DENND1C: variants seen among roughly 807,000 people sequenced by gnomAD.
The protein encoded by DENND1C is DENN domain containing 1C.
Under a neutral mutation model 87.9 loss-of-function variants are expected in DENND1C, and 64 were observed. The ratio of observed to expected loss-of-function variants is 0.73; its 90% CI spans 0.60 to 0.90. The LOEUF is 0.90. Among genes scored for constraint, DENND1C ranks in the 40% least tolerant of loss-of-function variants. DENND1C has a pLI of 0.00. For synonymous variants in DENND1C, 384 were observed against 424.4 expected (o/e 0.90, Z 1.17); for missense variants, 980 against 1,037.0 (o/e 0.95, Z 0.76).
chr19:6,478,201 A>T (rs1475619698), intron 6 of DENND1C, among the ~76,000 whole-genome samples: 1 of 152,068 alleles, frequency 6.6e-6, no homozygotes, highest in Non-Finnish European at 1.5e-5. Context: ...TGCTCTCCTG[A>T]GTAGCTGGGA....
In DENND1C at chr19:6,476,854, C is replaced by T; in HGVS notation, c.678+3G>A. 6.2e-7 allele frequency: 1 copy of T among 1,610,388 alleles called. No individual in the cohort carries two copies. The highest frequency in any genetic ancestry group is 8.5e-7 in the Non-Finnish European group (1 of 1,179,026). On this transcript the variant is annotated splice_donor_region_variant and intron_variant, in intron 10 of 22. Coordinates refer to ENST00000381480, the MANE Select transcript of DENND1C (RefSeq NM_024898.4). ...CACCCCGGCCCGGCGGACCCCGCCTCACGGTGCTGAGTTTGCTGGCGGTGA... is the reference window on the plus strand; with the variant it reads ...CACCCCGGCCCGGCGGACCCCGCCTTACGGTGCTGAGTTTGCTGGCGGTGA...
chr19:6,480,124 G>C (rs1913443476), intron 1 of DENND1C, 73 bp from the exon 2 acceptor site: 3 of 1,545,918 alleles, frequency 1.9e-6, no homozygotes, highest in Non-Finnish European at 2.6e-6. Flanking sequence ...TTGCACACAA[G>C]TGTGGTTGTG....
chr19:6,470,331 G>C lies in DENND1C; in HGVS notation c.1326C>G (p.Ala442=). The C allele has an allele frequency of 6.2e-7, 1 of 1,612,576 alleles. No homozygotes were observed. The highest frequency in any genetic ancestry group is 8.5e-7 in the Non-Finnish European group (1 of 1,179,438). The change falls in exon 18 of 23, where the codon GCC becomes GCG. Residue 442 remains alanine (A), a synonymous_variant. Transcript: ENST00000381480. Reference sequence around the variant, plus strand: ...TGTTCTTGACGGCTGGTTGGGTCTTGGCCTTGACTGAGTGCAGGAGGGCGC... The same window carrying C: ...TGTTCTTGACGGCTGGTTGGGTCTTCGCCTTGACTGAGTGCAGGAGGGCGC... The part of the protein sequence containing the change: ...GGGALLHSVK[A]KTQPAVKNMY...
At chr19:6,475,797 C>A in intron 11 of DENND1C, 40 bp downstream of exon 11, 1 of 1,525,206 alleles carries the variant, frequency 6.6e-7, no homozygotes, top group Non-Finnish European at 8.8e-7. Context: ...CCCCCAGGGC[C>A]TGCCCACAGG....
chr19:6,471,289 A>G lies in DENND1C; in HGVS notation c.1266T>C (p.Tyr422=), dbSNP rs1307031412. The part of the protein sequence containing the change: ...CGASSGALRS[Y]QLWADNLKKG... Reference sequence around the variant, plus strand: ...CCTTTAGATTGTCGGCCCAGAGCTGATAGGATCGAAGGGCCCCTGGGGTAA... The same window carrying G: ...CCTTTAGATTGTCGGCCCAGAGCTGGTAGGATCGAAGGGCCCCTGGGGTAA... The change falls in exon 17 of 23, where the codon TAT becomes TAC. Residue 422 remains tyrosine, a synonymous_variant. Coordinates refer to ENST00000381480, the MANE Select transcript of DENND1C (RefSeq NM_024898.4). 6.3e-7 allele frequency: 1 copy of G among 1,597,336 alleles called. No individual in the cohort carries two copies.
In DENND1C at chr19:6,480,462, C is replaced by T. The variant is rs72985391; in HGVS notation, c.18-411G>A. ...AGCTAAGTGAATTACATCTCTCTCT[C>T]TCTATATATATATCCATCTATCTGT... On this transcript the variant is annotated intron_variant, in intron 1 of 22. Transcript: ENST00000381480. 8.1e-3 allele frequency: 7,960 copies of T among 978,254 alleles called. 69 individuals are homozygous for T. The highest frequency in any genetic ancestry group is 0.035 in the South Asian group (736 of 21,092). 60.6% of individuals were successfully genotyped at this position (978,254 alleles called of 1,614,324 possible).
chr19:6,469,014 A>G, intron 19 of DENND1C, 61 bp from the exon 20 acceptor site: 2 of 984,038 alleles, frequency 2.0e-6, no homozygotes, highest in Non-Finnish European at 2.7e-6. Flanking sequence ...ACCCCCTACC[A>G]TTGGTCTTTA....
chr19:6,477,239 A>AG lies in DENND1C; in HGVS notation c.491dup (p.Thr165TyrfsTer5), dbSNP rs553532837. On this transcript the variant is annotated frameshift_variant, in exon 8 of 23. Transcript: ENST00000381480. LOFTEE classifies it high-confidence loss of function. Reference sequence around the variant, plus strand: ...TCACCGGCTTGCTATTCCCCCGGGTAGGGGGGGGGATACCCTGCCCGCTGG... The same window carrying AG: ...TCACCGGCTTGCTATTCCCCCGGGTAGGGGGGGGGGATACCCTGCCCGCTGG... 1.3e-4 allele frequency: 204 copies of AG among 1,563,862 alleles called. No homozygotes were observed. Among genetic ancestry groups the AG allele is most frequent in the Admixed American group, 2.3e-4 (12 of 53,056 alleles).
intron 13 of DENND1C, 35 bp from the exon 14 acceptor site, chr19:6,475,434 T>C: frequency 5.6e-6 from 9 of 1,613,184 alleles, no homozygotes; most frequent in Non-Finnish European, 7.6e-6. Flanking sequence ...AGTGGGCAGG[T>C]GTGGGCCCCT....
At position 6,468,642 on chromosome 19, in the gene DENND1C, G is replaced by A. The variant is rs763494134; in HGVS notation, c.1519C>T (p.Arg507Trp). The change falls in exon 21 of 23, where the codon CGG becomes TGG. Residue 507 changes from arginine (R) to tryptophan (W), a missense_variant. By Grantham distance (101) the Arg-to-Trp change is moderately radical. Transcript: ENST00000381480. ...LPITQHFGKN[R>W]PLRPSRRRQL... ...CGTCTCCTGCTGGGGCGAAGGGGCC[G>A]GTTCTGCAAAGGGTGGGGGCGATAG... 11 of 1,483,128 alleles carry A rather than the reference G, an allele frequency of 7.4e-6. No homozygotes were observed. The highest frequency in any genetic ancestry group is 4.2e-5 in the African/African-American group (3 of 70,756). 91.9% of individuals were successfully genotyped at this position (1,483,128 alleles called of 1,614,324 possible).
intron 1 of DENND1C, 39 bp from the exon 2 acceptor site, chr19:6,480,090 G>A (rs1438091571): frequency 6.3e-7 from 1 of 1,581,400 alleles, no homozygotes; most frequent in Non-Finnish European, 8.6e-7. Context: ...TTGCTTCTAT[G>A]CATGTGTGGT....
chr19:6,476,644 C>G (rs891345157), intron 10 of DENND1C: 28 of 568,794 alleles, frequency 4.9e-5, no homozygotes, highest in Non-Finnish European at 5.3e-5. Context: ...AGCCTGAGCA[C>G]AGTACTCCCA....
intron 14 of DENND1C, among the ~76,000 whole-genome samples, chr19:6,474,000 G>A (rs532092768): frequency 2.0e-4 from 31 of 152,166 alleles, no homozygotes; most frequent in African/African-American, 7.2e-4. Context: ...TTTGAGACCA[G>A]CCTGGCTAAC....
chr19:6,477,558 G>T, intron 6 of DENND1C, 100 bp from the exon 7 acceptor site: 1 of 928,898 alleles, frequency 1.1e-6, no homozygotes, highest in South Asian at 1.5e-5. Context: ...AGGAGCCAAG[G>T]GCTCAGGTCA....
In DENND1C at chr19:6,477,398, C is replaced by T. The variant is rs1270056389; in HGVS notation, c.427G>A (p.Ala143Thr). The change falls in exon 7 of 23, where the codon GCC (alanine) becomes ACC (threonine). Residue 143 changes from alanine (A) to threonine (T), a missense_variant. Coordinates refer to ENST00000381480, the MANE Select transcript of DENND1C (RefSeq NM_024898.4). ...LFQQSLSGPQ[A>T]SVGLELGSGV... ...CTCACCAGCTCAAGCCCCACTGAGGCCTGGGGCCCAGACAGGGACTGCTGA... is the reference window on the plus strand; with the variant it reads ...CTCACCAGCTCAAGCCCCACTGAGGTCTGGGGCCCAGACAGGGACTGCTGA... 14 of 1,613,340 alleles carry T rather than the reference C, an allele frequency of 8.7e-6. No homozygotes were observed. Among genetic ancestry groups the T allele is most frequent in the African/African-American group, 1.3e-5 (1 of 74,832 alleles).
At chr19:6,470,224 G>A (rs1330186256) in intron 18 of DENND1C, 71 bp downstream of exon 18, 13 of 1,473,710 alleles carry the variant, frequency 8.8e-6, no homozygotes, top group Non-Finnish European at 1.1e-5. Context: ...CCATCCTTGG[G>A]AGGTCAAAGT....
intron 6 of DENND1C, 148 bp from the exon 7 acceptor site, chr19:6,477,606 T>TTAATAATAATAATAATAATAA (rs59685749): frequency 0.016 from 3,000 of 183,376 alleles, 49 homozygotes; most frequent in African/African-American, 0.026. Flanking sequence ...TTAAAAGAAA[T>TTAATAATAATAATAATAATAA]TAATAATAAT....
chr19:6,470,249 C>G (rs2092819911), intron 18 of DENND1C, 46 bp downstream of exon 18: 2 of 1,569,422 alleles, frequency 1.3e-6, no homozygotes, highest in Non-Finnish European at 1.7e-6. Context: ...TCTGTCCCCT[C>G]CCCCTCGTCA....
chr19:6,468,663 G>T lies in DENND1C; in HGVS notation c.1516-18C>A. 1.4e-6 allele frequency: 2 copies of T among 1,469,088 alleles called. No individual in the cohort carries two copies. Among genetic ancestry groups the T allele is most frequent in the East Asian group, 2.4e-5 (1 of 40,822 alleles). 91.0% of individuals were successfully genotyped at this position (1,469,088 alleles called of 1,614,324 possible). A position where few individuals can be genotyped will look rare whatever the true frequency, so the allele number is the denominator to read the frequency against. Reference sequence around the variant, plus strand: ...GGCCGGTTCTGCAAAGGGTGGGGGCGATAGGACCTCAGGAGACTGCAGAAT... The same window carrying T: ...GGCCGGTTCTGCAAAGGGTGGGGGCTATAGGACCTCAGGAGACTGCAGAAT... On this transcript the variant is annotated intron_variant, in intron 20 of 22. Coordinates refer to ENST00000381480, the MANE Select transcript of DENND1C (RefSeq NM_024898.4).
Sources: allele counts gnomAD v4.1 joint callset (sites outside exome capture counted in the v4.1 genomes callset), GRCh38; gene constraint gnomAD v4.1.1; transcripts MANE v1.5; gene names NCBI Gene and HGNC (gene_info 2026-07-23, HGNC 2026-07-21).